Variants in PLXDC2 observed in about 807,000 individuals in gnomAD.
PLXDC2 encodes plexin domain-containing protein 2.
PLXDC2 carries 40 observed loss-of-function variants against 68.9 expected under a neutral mutation model. That is an observed-to-expected ratio of 0.58 (90% CI 0.45 to 0.76). The LOEUF (loss-of-function observed/expected upper bound fraction) is 0.76. Ranked by LOEUF, PLXDC2 falls within the 30% of genes least tolerant of loss-of-function variation. The pLI is 0.00. For missense variants in PLXDC2, 644 were observed against 661.9 expected (o/e 0.97, Z 0.30); for synonymous variants, 243 against 234.2 (o/e 1.04, Z -0.34).
intron 4 of PLXDC2, among the ~76,000 whole-genome samples, chr10:20,138,354 T>C (rs1196651119): frequency 6.6e-6 from 1 of 152,186 alleles, no homozygotes; most frequent in African/African-American, 2.4e-5. Flanking sequence ...TCCTACAGAG[T>C]GATTGCCTTA....
intron 13 of PLXDC2, among the ~76,000 whole-genome samples, chr10:20,279,265 TG>T (rs1356059191): frequency 6.6e-6 from 1 of 152,222 alleles, no homozygotes; most frequent in African/African-American, 2.4e-5. Context: ...CAGAATTTTT[TG>T]ACCTTAGTTT....
chr10:19,874,713 T>G (rs1190244093), intron 1 of PLXDC2, among the ~76,000 whole-genome samples: 2 of 152,176 alleles, frequency 1.3e-5, no homozygotes, highest in Non-Finnish European at 2.9e-5. Flanking sequence ...AAATAACATT[T>G]GAATTGAACT....
At chr10:20,173,202 T>A (rs1261833451) in intron 7 of PLXDC2, among the ~76,000 whole-genome samples, 1 of 152,206 alleles carries the variant, frequency 6.6e-6, no homozygotes, top group Non-Finnish European at 1.5e-5. Flanking sequence ...GGACTCGATT[T>A]GAACCAGAAA....
chr10:19,983,379 G>A lies in PLXDC2; in HGVS notation c.113-18396G>A, dbSNP rs529045317. ...TTCTTTACTAAGCATTTTTCTAAGC[G>A]TTCTTACATTGATATATGTGGCTTC... On this transcript the variant is annotated intron_variant, in intron 1 of 13. Transcript: ENST00000377252. Among the ~76,000 whole-genome samples, 10 of 152,252 alleles carry A rather than the reference G, an allele frequency of 6.6e-5. No individual in the cohort carries two copies. The South Asian group carries it at 1.0e-3, about 16-fold the overall frequency.
chr10:20,171,800 A>C (rs1834449781), intron 7 of PLXDC2, among the ~76,000 whole-genome samples: 1 of 152,164 alleles, frequency 6.6e-6, no homozygotes, highest in Admixed American at 6.5e-5. Context: ...TAGAGAAAGT[A>C]AATTTTTAAC....
chr10:20,256,044 A>T (rs750454236), intron 13 of PLXDC2, among the ~76,000 whole-genome samples: 1 of 152,182 alleles, frequency 6.6e-6, no homozygotes, highest in Non-Finnish European at 1.5e-5. Flanking sequence ...TCTAATTAAC[A>T]TAATACTTAA....
intron 6 of PLXDC2, among the ~76,000 whole-genome samples, chr10:20,157,597 TACC>T (rs1834233839): frequency 6.6e-6 from 1 of 152,196 alleles, no homozygotes; most frequent in South Asian, 2.1e-4. Context: ...TGGAGAAAGA[TACC>T]ACAGAGTGGA....
intron 13 of PLXDC2, among the ~76,000 whole-genome samples, chr10:20,264,217 G>A (rs1835843449): frequency 6.6e-6 from 1 of 152,168 alleles, no homozygotes; most frequent in Non-Finnish European, 1.5e-5. Context: ...TGCATAAACA[G>A]AAAACCAAAT....
chr10:20,176,751 C>T (rs965817834), intron 7 of PLXDC2, among the ~76,000 whole-genome samples: 3 of 151,968 alleles, frequency 2.0e-5, no homozygotes, highest in African/African-American at 4.8e-5. Flanking sequence ...GAGAATGAGT[C>T]GAAGCCTTAA....
chr10:19,969,286 C>T (rs1834311794), intron 1 of PLXDC2, among the ~76,000 whole-genome samples: 1 of 152,180 alleles, frequency 6.6e-6, no homozygotes, highest in Non-Finnish European at 1.5e-5. Flanking sequence ...AAATCAAATA[C>T]ATATGTACTC....
At chr10:20,122,547 GA>G (rs1833713758) in intron 4 of PLXDC2, among the ~76,000 whole-genome samples, 1 of 152,226 alleles carries the variant, frequency 6.6e-6, no homozygotes, top group Non-Finnish European at 1.5e-5. Flanking sequence ...GTCCCGCACA[GA>G]TGGGACGCGG....
intron 1 of PLXDC2, among the ~76,000 whole-genome samples, chr10:19,885,763 A>G (rs1471407490): frequency 1.3e-5 from 2 of 152,146 alleles, no homozygotes; most frequent in Non-Finnish European, 2.9e-5. Flanking sequence ...GTAGCCTTGT[A>G]GTACAGTTTG....
At chr10:20,098,347 G>A (rs1003854140) in intron 4 of PLXDC2, among the ~76,000 whole-genome samples, 46 of 97,224 alleles carry the variant, frequency 4.7e-4, no homozygotes, top group Non-Finnish European at 7.9e-4. Context: ...ATTTTCGTGC[G>A]TGTGTGTGTA....
intron 1 of PLXDC2, among the ~76,000 whole-genome samples, chr10:19,970,883 G>C (rs1244647679): frequency 6.6e-6 from 1 of 152,116 alleles, no homozygotes; most frequent in Non-Finnish European, 1.5e-5. Context: ...ACAGTCCCAA[G>C]AAATCTAGAC....
At chr10:19,861,354 G>T (rs1305775159) in intron 1 of PLXDC2, among the ~76,000 whole-genome samples, 1 of 151,740 alleles carries the variant, frequency 6.6e-6, no homozygotes, top group African/African-American at 2.4e-5. Context: ...CTTTTCTTTT[G>T]CAGTAACCTC....
chr10:20,058,949 A>G (rs1465260227), intron 3 of PLXDC2, among the ~76,000 whole-genome samples: 1 of 152,162 alleles, frequency 6.6e-6, no homozygotes, highest in Non-Finnish European at 1.5e-5. Flanking sequence ...TCCTTACAGC[A>G]ATGGTTTTGG....
chr10:20,127,996 A>G (rs771056293), intron 4 of PLXDC2, among the ~76,000 whole-genome samples: 1 of 152,198 alleles, frequency 6.6e-6, no homozygotes, highest in Non-Finnish European at 1.5e-5. Flanking sequence ...ATCTATCCCA[A>G]ATGGGTTATG....
chr10:20,253,906 G>C (rs1227821814), intron 13 of PLXDC2, among the ~76,000 whole-genome samples: 1 of 152,102 alleles, frequency 6.6e-6, no homozygotes, highest in African/African-American at 2.4e-5. Flanking sequence ...ATAAAATCCA[G>C]ATAAGTTTAA....
chr10:19,847,151 C>T (rs1837024466), intron 1 of PLXDC2, among the ~76,000 whole-genome samples: 1 of 152,024 alleles, frequency 6.6e-6, no homozygotes, highest in South Asian at 2.1e-4. Flanking sequence ...ACACTTCCCC[C>T]AAAAAAGAAT....
Sources: gnomAD v4.1 joint callset for allele counts (sites outside exome capture counted in the v4.1 genomes callset) on GRCh38, gnomAD v4.1.1 for gene constraint, MANE v1.5 for transcripts, NCBI Gene and HGNC (gene_info 2026-07-23, HGNC 2026-07-21) for gene names.